Variants in SORCS2 observed in about 807,000 individuals in gnomAD.
The protein encoded by SORCS2 is sortilin related VPS10 domain containing receptor 2, also known as VPS10 domain-containing receptor SorCS2.
A neutral mutation model predicts 141.6 loss-of-function variants in SORCS2; 100 were observed. That is an observed-to-expected ratio of 0.71 (90% CI 0.60 to 0.83). The LOEUF (loss-of-function observed/expected upper bound fraction) is 0.83, where lower values mean the gene tolerates loss of function less well. SORCS2 is among the 40% of genes least tolerant of loss of function. The pLI is 0.00. For synonymous variants in SORCS2, 789 were observed against 676.9 expected (o/e 1.17, Z -2.57); for missense variants, 1,646 against 1,560.2 (o/e 1.05, Z -0.93).
rs539477472 is a variant in SORCS2, at chr4:7,222,845, G to A, written c.480+29719G>A. ...GGGGTGGTCATGGGGCTGGCCTGGG[G>A]AGGGTTTTCTGCAGAGGAGCTGCAG... On this transcript the variant is annotated intron_variant, in intron 1 of 26. Coordinates refer to ENST00000507866, the MANE Select transcript of SORCS2 (RefSeq NM_020777.3). Among the ~76,000 whole-genome samples, 397 of 152,264 alleles carry A rather than the reference G, an allele frequency of 2.6e-3. 1 individual carries two copies. The highest frequency in any genetic ancestry group is 9.2e-3 in the African/African-American group (383 of 41,526).
chr4:7,443,792 T>A (rs929305223), intron 2 of SORCS2, among the ~76,000 whole-genome samples: 4 of 152,248 alleles, frequency 2.6e-5, no homozygotes, highest in East Asian at 3.8e-4. Flanking sequence ...ATCTCCCATG[T>A]GGCCTGGCCT....
intron 1 of SORCS2, among the ~76,000 whole-genome samples, chr4:7,388,059 T>A (rs1011757845): frequency 2.1e-5 from 3 of 141,886 alleles, no homozygotes; most frequent in Non-Finnish European, 4.6e-5. Flanking sequence ...TGCACACACA[T>A]ACAGTTACAC....
intron 1 of SORCS2, among the ~76,000 whole-genome samples, chr4:7,366,453 A>C (rs1197493428): frequency 7.4e-6 from 1 of 135,022 alleles, no homozygotes; most frequent in Non-Finnish European, 1.6e-5. Context: ...CTCACGGTGG[A>C]TGCCCCCTTT....
chr4:7,379,814 T>C (rs1444688441), intron 1 of SORCS2, among the ~76,000 whole-genome samples: 3 of 152,236 alleles, frequency 2.0e-5, no homozygotes, highest in Non-Finnish European at 1.5e-5. Flanking sequence ...GGCTGTGGCA[T>C]GCCTAGAAAA....
intron 3 of SORCS2, among the ~76,000 whole-genome samples, chr4:7,535,926 AAATT>A (rs1219969746): frequency 3.3e-5 from 5 of 152,254 alleles, no homozygotes; most frequent in African/African-American, 4.8e-5. Context: ...TTTAGAGAAC[AAATT>A]AATTATCAGT....
chr4:7,278,009 G>C (rs1288098773), intron 1 of SORCS2, among the ~76,000 whole-genome samples: 1 of 152,146 alleles, frequency 6.6e-6, no homozygotes, highest in African/African-American at 2.4e-5. Flanking sequence ...ATTGGTAGTG[G>C]GCCTGATCAT....
rs148813223 is a variant in SORCS2 at position 7,740,867 on chromosome 4, C to G, written c.*603C>G. 2.2e-3 allele frequency: 856 copies of G among 394,664 alleles called. 6 individuals carry two copies. Among genetic ancestry groups the G allele is most frequent in the Middle Eastern group, 0.015 (24 of 1,566 alleles). The allele number at this position is 394,664 out of a possible 1,614,324, so 24.4% of individuals were successfully genotyped here. A position where few individuals can be genotyped will look rare whatever the true frequency, so the allele number is the denominator to read the frequency against. ...CTGGCGGTGGTGGGGGTGTCTCACT[C>G]TCTGTCTTTATAGCCGGCGGTAGCC... On this transcript the variant is annotated 3_prime_UTR_variant, in exon 27 of 27. Transcript: ENST00000507866.
At chr4:7,296,619 A>C (rs975458121) in intron 1 of SORCS2, among the ~76,000 whole-genome samples, 5 of 152,152 alleles carry the variant, frequency 3.3e-5, no homozygotes, top group Non-Finnish European at 7.4e-5. Flanking sequence ...TGGGCAGCTA[A>C]CCTCATTGCT....
At chr4:7,446,872 C>T (rs932379344) in intron 2 of SORCS2, among the ~76,000 whole-genome samples, 1 of 152,208 alleles carries the variant, frequency 6.6e-6, no homozygotes, top group African/African-American at 2.4e-5. Context: ...GTCAAGTCTG[C>T]AGGGTTAGCC....
At position 7,602,807 on chromosome 4, in the gene SORCS2, C is replaced by T. The variant is rs538409549; in HGVS notation, c.649-35521C>T. Among the ~76,000 whole-genome samples the T allele has an allele frequency of 6.6e-5, 10 of 152,304 alleles. No homozygotes were observed. The East Asian group carries it at 1.5e-3, about 24-fold the overall frequency. On this transcript the variant is annotated intron_variant, in intron 3 of 26. Transcript: ENST00000507866. ...CGGCACTTTGGGAGGCCAAGGCAGG[C>T]GGCTGGGAGGTGGAGGTTGTAGCCA...
At chr4:7,454,178 C>T (rs1429026496) in intron 2 of SORCS2, among the ~76,000 whole-genome samples, 9 of 104,560 alleles carry the variant, frequency 8.6e-5, no homozygotes, top group South Asian at 3.5e-4. Context: ...TGGGGTCAGG[C>T]GCTGTGTTGG....
chr4:7,585,722 G>C (rs1716493255), intron 3 of SORCS2, among the ~76,000 whole-genome samples: 1 of 152,184 alleles, frequency 6.6e-6, no homozygotes, highest in African/African-American at 2.4e-5. Context: ...TAGTAATTCT[G>C]ATTCACCTCT....
intron 3 of SORCS2, among the ~76,000 whole-genome samples, chr4:7,573,599 C>T (rs1715538403): frequency 1.3e-5 from 2 of 152,188 alleles, no homozygotes; most frequent in Non-Finnish European, 2.9e-5. Flanking sequence ...CTCACTGCAA[C>T]CTCTGCCTCC....
intron 3 of SORCS2, among the ~76,000 whole-genome samples, chr4:7,614,898 T>A (rs532933089): frequency 6.6e-6 from 1 of 151,896 alleles, no homozygotes; most frequent in East Asian, 1.9e-4. Context: ...CATCCACCCA[T>A]CAATCCATTC....
At chr4:7,497,366 G>A (rs1426960698) in intron 2 of SORCS2, among the ~76,000 whole-genome samples, 1 of 152,224 alleles carries the variant, frequency 6.6e-6, no homozygotes, top group Non-Finnish European at 1.5e-5. Context: ...GGGATGGGAT[G>A]TGGGAGACTT....
intron 2 of SORCS2, among the ~76,000 whole-genome samples, chr4:7,469,185 G>A (rs1013029778): frequency 1.3e-5 from 2 of 151,980 alleles, no homozygotes; most frequent in Admixed American, 1.3e-4. Flanking sequence ...TGGTGGTGAT[G>A]TCGATGATGG....
rs1308449681 is a variant in SORCS2 at position 7,734,332 on chromosome 4, G to C, written c.3269G>C (p.Gly1090Ala). ...YWAVVVLFVI[G>A]LFAAGAFILY... is the part of the protein sequence containing the mutation. ...GCGGTAGTGGTGCTGTTTGTCATCG[G>C]GCTCTTCGCAGCGGGAGCCTTCATC... The change falls in exon 25 of 27, where the codon GGG becomes GCG. Residue 1090 changes from glycine (G) to alanine (A), a missense_variant. Gly to Ala is a moderately conservative substitution (Grantham distance 60). Transcript: ENST00000507866. 1.9e-6 allele frequency: 3 copies of C among 1,597,278 alleles called. No homozygotes were observed. Among genetic ancestry groups the C allele is most frequent in the Non-Finnish European group, 2.6e-6 (3 of 1,172,614 alleles).
At chr4:7,310,258 A>G (rs1251584064) in intron 1 of SORCS2, among the ~76,000 whole-genome samples, 1 of 152,150 alleles carries the variant, frequency 6.6e-6, no homozygotes, top group Non-Finnish European at 1.5e-5. Context: ...GGTAGACACT[A>G]TCATCACCCC....
intron 1 of SORCS2, chr4:7,382,098 T>A: frequency 1.9e-6 from 1 of 540,300 alleles, no homozygotes; most frequent in Non-Finnish European, 2.4e-6. Flanking sequence ...CAGAAGGACC[T>A]TGAAGGGTGG....
Sources: allele counts gnomAD v4.1 joint callset (sites outside exome capture counted in the v4.1 genomes callset), GRCh38; gene constraint gnomAD v4.1.1; transcripts MANE v1.5; gene names NCBI Gene and HGNC (gene_info 2026-07-23, HGNC 2026-07-21).